Variants in PPP1R3A observed in about 807,000 individuals in gnomAD.
PPP1R3A encodes the protein RG1.
PPP1R3A carries 29 observed loss-of-function variants against 41.7 expected under a neutral mutation model. That is an observed-to-expected ratio of 0.70 (90% CI 0.52 to 0.95). The LOEUF (loss-of-function observed/expected upper bound fraction) is 0.95, where lower values mean the gene tolerates loss of function less well. Ranked by LOEUF, PPP1R3A falls within the 40% of genes least tolerant of loss-of-function variation. The probability of loss-of-function intolerance (pLI) is 0.00; values close to 1 mark genes in which losing one functional copy is unlikely to be tolerated. For synonymous variants in PPP1R3A, 485 were observed against 453.4 expected (o/e 1.07, Z -0.89); for missense variants, 1,352 against 1,292.4 (o/e 1.05, Z -0.71).
intron 1 of PPP1R3A, among the ~76,000 whole-genome samples, chr7:113,916,503 G>C (rs1267504786): frequency 6.6e-6 from 1 of 152,026 alleles, no homozygotes; most frequent in Non-Finnish European, 1.5e-5. Context: ...AGGAATCAAA[G>C]GAATCCCCTA....
intron 1 of PPP1R3A, among the ~76,000 whole-genome samples, chr7:113,899,345 G>A (rs560781010): frequency 1.7e-4 from 26 of 151,678 alleles, no homozygotes; most frequent in Non-Finnish European, 2.9e-4. Flanking sequence ...AAAATGCCAC[G>A]CTGTGTGATG....
At chr7:113,909,577 C>T (rs1052422475) in intron 1 of PPP1R3A, among the ~76,000 whole-genome samples, 5 of 151,982 alleles carry the variant, frequency 3.3e-5, no homozygotes, top group African/African-American at 1.2e-4. Context: ...TCATTCACCC[C>T]TTATGAGAAT....
At chr7:113,889,829 ATGT>A (rs1562920542) in intron 1 of PPP1R3A, among the ~76,000 whole-genome samples, 1 of 152,120 alleles carries the variant, frequency 6.6e-6, no homozygotes. Context: ...CAATTGTGAA[ATGT>A]TGTGCTGGAT....
At chr7:113,910,166 A>G (rs1797220060) in intron 1 of PPP1R3A, among the ~76,000 whole-genome samples, 1 of 152,040 alleles carries the variant, frequency 6.6e-6, no homozygotes, top group Admixed American at 6.6e-5. Flanking sequence ...CCCATGATTC[A>G]ATTATCTCCA....
At chr7:113,908,127 T>C (rs1028525211) in intron 1 of PPP1R3A, among the ~76,000 whole-genome samples, 3 of 151,912 alleles carry the variant, frequency 2.0e-5, no homozygotes, top group African/African-American at 7.2e-5. Context: ...TTATGAGATT[T>C]GCAAGCAAAT....
rs1447669587 is a variant in PPP1R3A, at chr7:113,878,546, G to A, written c.2546C>T (p.Ser849Leu). The A allele has an allele frequency of 1.9e-6, 3 of 1,613,438 alleles. No individual in the cohort carries two copies. Among genetic ancestry groups the A allele is most frequent in the Non-Finnish European group, 2.5e-6 (3 of 1,179,704 alleles). ...TTTTTGATATTCTGTAATGACCCAT[G>A]AGGATTCTTCCACAGATGTTATATT... ...TGNITSVEESSWVITEYQKAT... is the reference protein window; with the variant it reads ...TGNITSVEESLWVITEYQKAT... The change falls in exon 4 of 4, where the codon TCA becomes TTA. Residue 849 changes from serine to leucine, a missense_variant. Transcript: ENST00000284601.
intron 1 of PPP1R3A, among the ~76,000 whole-genome samples, chr7:113,913,542 C>T (rs1797287959): frequency 1.3e-5 from 2 of 152,234 alleles, no homozygotes; most frequent in African/African-American, 2.4e-5. Context: ...TATTTGCATT[C>T]ACCTGGCCAA....
rs1317791859 is a variant in PPP1R3A, at chr7:113,879,731, G to C, written c.1361C>G (p.Pro454Arg). The part of the protein sequence containing the change: ...PAHGNGTVQI[P>R]CPSSDQLMAG... ...CATTAGTTGATCTGAAGAGGGGCAA[G>C]GTATTTGCACTGTGCCATTGCCATG... The change falls in exon 4 of 4, where the codon CCT becomes CGT. Residue 454 changes from proline to arginine, a missense_variant. Physicochemically the swap from Pro to Arg is moderately radical, Grantham distance 103 (BLOSUM62 -2). Coordinates refer to ENST00000284601, the MANE Select transcript of PPP1R3A (RefSeq NM_002711.4). The C allele has an allele frequency of 1.2e-6, 2 of 1,613,262 alleles. No homozygotes were observed. Among genetic ancestry groups the C allele is most frequent in the Non-Finnish European group, 1.7e-6 (2 of 1,179,674 alleles).
chr7:113,877,508 T>C lies in PPP1R3A; in HGVS notation c.*215A>G, dbSNP rs981124082. Reference sequence around the variant, plus strand: ...TAATTTCAACTTGACGTGCTTCAGATCTCATATTCATATAGGTATTTAATG... The same window carrying C: ...TAATTTCAACTTGACGTGCTTCAGACCTCATATTCATATAGGTATTTAATG... On this transcript the variant is annotated 3_prime_UTR_variant, in exon 4 of 4. Coordinates refer to ENST00000284601, the MANE Select transcript of PPP1R3A (RefSeq NM_002711.4). 18 of 442,174 alleles carry C rather than the reference T, an allele frequency of 4.1e-5. No homozygotes were observed. The highest frequency in any genetic ancestry group is 3.0e-4 in the African/African-American group (15 of 49,234). 27.4% of individuals were successfully genotyped at this position (442,174 alleles called of 1,614,324 possible).
chr7:113,887,049 CT>C (rs1228487502), intron 1 of PPP1R3A, among the ~76,000 whole-genome samples: 3 of 152,156 alleles, frequency 2.0e-5, no homozygotes, highest in African/African-American at 7.2e-5. Flanking sequence ...CCCTTCTCCT[CT>C]CTACCTTTTG....
intron 1 of PPP1R3A, among the ~76,000 whole-genome samples, chr7:113,908,565 G>T (rs1252805332): frequency 6.6e-6 from 1 of 151,844 alleles, no homozygotes; most frequent in Non-Finnish European, 1.5e-5. Flanking sequence ...AATAATTTCT[G>T]CTTGTAGATA....
rs1796580196 is a variant in PPP1R3A at position 113,877,197 on chromosome 7, G to A, written c.*526C>T. 6.6e-6 allele frequency: 1 copy of A among 151,976 alleles called. No homozygotes were observed. Among genetic ancestry groups the A allele is most frequent in the South Asian group, 2.1e-4 (1 of 4,828 alleles). The allele number at this position is 151,976 out of a possible 1,614,324, so 9.4% of individuals were successfully genotyped here. On this transcript the variant is annotated 3_prime_UTR_variant, in exon 4 of 4. Coordinates refer to ENST00000284601, the MANE Select transcript of PPP1R3A (RefSeq NM_002711.4). Reference sequence around the variant, plus strand: ...TTAAGTTTGCATTTCAATATATATGGGTGTTTTCTTAAAAATATGAAAGGT... The same window carrying A: ...TTAAGTTTGCATTTCAATATATATGAGTGTTTTCTTAAAAATATGAAAGGT...
At chr7:113,914,033 T>C (rs1412541623) in intron 1 of PPP1R3A, among the ~76,000 whole-genome samples, 1 of 152,068 alleles carries the variant, frequency 6.6e-6, no homozygotes, top group African/African-American at 2.4e-5. Flanking sequence ...TGAATAAGTT[T>C]TGGAGCCTGA....
intron 1 of PPP1R3A, among the ~76,000 whole-genome samples, chr7:113,907,960 T>C (rs934971202): frequency 1.3e-5 from 2 of 151,886 alleles, no homozygotes; most frequent in African/African-American, 4.8e-5. Flanking sequence ...ACTTTTTATT[T>C]AGGAAAAGTT....
chr7:113,904,834 C>T (rs1217330818), intron 1 of PPP1R3A, among the ~76,000 whole-genome samples: 2 of 151,742 alleles, frequency 1.3e-5, no homozygotes, highest in South Asian at 2.1e-4. Flanking sequence ...ACAGCTAATT[C>T]GTTCTCAAAA....
At chr7:113,894,400 A>T (rs1796945409) in intron 1 of PPP1R3A, among the ~76,000 whole-genome samples, 1 of 151,916 alleles carries the variant, frequency 6.6e-6, no homozygotes, top group Non-Finnish European at 1.5e-5. Flanking sequence ...TTAACAAAAA[A>T]CTCAAAGTTA....
At chr7:113,905,384 A>G (rs1264091422) in intron 1 of PPP1R3A, among the ~76,000 whole-genome samples, 1 of 151,750 alleles carries the variant, frequency 6.6e-6, no homozygotes, top group Non-Finnish European at 1.5e-5. Context: ...TCAGCTACAA[A>G]CTAAAAATTC....
chr7:113,879,218 A>G lies in PPP1R3A; in HGVS notation c.1874T>C (p.Val625Ala), dbSNP rs1039066724. Residue 625 changes from valine to alanine, a missense_variant, in exon 4 of 4, where the codon GTT (valine) becomes GCT (alanine). Physicochemically the swap from Val to Ala is moderately conservative, Grantham distance 64 (BLOSUM62 0). Transcript: ENST00000284601. Reference protein sequence around the residue: ...GQVCSSRTGNVLRNDYLFQVE... With the variant: ...GQVCSSRTGNALRNDYLFQVE... ...TTGGAAAAGATAATCATTCCTCAAA[A>G]CATTTCCAGTTCTTGATGAACAAAC... The G allele has an allele frequency of 6.2e-7, 1 of 1,613,598 alleles. No individual in the cohort carries two copies. The highest frequency in any genetic ancestry group is 1.1e-5 in the South Asian group (1 of 91,076).
intron 1 of PPP1R3A, among the ~76,000 whole-genome samples, chr7:113,907,639 GC>G (rs774123867): frequency 2.0e-5 from 3 of 151,656 alleles, no homozygotes; most frequent in Non-Finnish European, 4.4e-5. Flanking sequence ...TTTGAAAGTA[GC>G]CTATGAATTA....
Sources: allele counts gnomAD v4.1 joint callset (sites outside exome capture counted in the v4.1 genomes callset), GRCh38; gene constraint gnomAD v4.1.1; transcripts MANE v1.5; gene names NCBI Gene and HGNC (gene_info 2026-07-23, HGNC 2026-07-21).